HIVEP3: variants seen among roughly 807,000 people sequenced by gnomAD.
HIVEP3 encodes HIVEP zinc finger 3, also known as transcription factor HIVEP3.
Under a neutral mutation model 152.8 loss-of-function variants are expected in HIVEP3, and 49 were observed. The observed-to-expected ratio is 0.32, with a 90% CI of 0.26 to 0.41. HIVEP3 has a LOEUF of 0.41. HIVEP3 is among the 10% of genes least tolerant of loss of function. HIVEP3 has a pLI of 1.00. For synonymous variants in HIVEP3, 1,269 were observed against 1,289.0 expected, an observed-to-expected ratio of 0.98 and a Z score of 0.33; for missense variants, 2,790 against 3,103.3, an observed-to-expected ratio of 0.90 and a Z score of 2.40.
At chr1:41,806,106 A>G (rs1310189039) in intron 1 of HIVEP3, among the ~76,000 whole-genome samples, 1 of 152,136 alleles carries the variant, frequency 6.6e-6, no homozygotes, top group African/African-American at 2.4e-5. Context: ...TGAGGCCCCC[A>G]GAGCCTGCCC....
intron 1 of HIVEP3, among the ~76,000 whole-genome samples, chr1:41,789,213 G>C (rs1182929049): frequency 6.6e-6 from 1 of 152,212 alleles, no homozygotes; most frequent in Non-Finnish European, 1.5e-5. Flanking sequence ...AAAGTGGGGA[G>C]CACTTACCTA....
At position 41,751,881 on chromosome 1, in the gene HIVEP3, A is replaced by G. The variant is rs137921306; in HGVS notation, c.-800-50886T>C. ...GATGAGCAAGTGGGGGCCCCAAGAG[A>G]GGGAGTTGTCCAAAGCCTGTGATGG... On this transcript the variant is annotated intron_variant, in intron 1 of 8. Coordinates refer to ENST00000372583, the MANE Select transcript of HIVEP3 (RefSeq NM_024503.5). Among the ~76,000 whole-genome samples the G allele has an allele frequency of 4.2e-4, 64 of 152,280 alleles. 1 individual carries two copies. In the East Asian group the frequency reaches 0.012, roughly 28 times the overall value.
rs150203260 is a variant in HIVEP3, at chr1:41,943,957, G to C, written n.120-25433C>G. Among the ~76,000 whole-genome samples, 276 of 152,338 alleles carry C rather than the reference G, an allele frequency of 1.8e-3. 1 individual carries two copies. Among genetic ancestry groups the C allele is most frequent in the Middle Eastern group, 0.014 (4 of 294 alleles). On this transcript the variant is annotated intron_variant and non_coding_transcript_variant, in intron 1 of 3. Transcript: ENST00000489103. The stretch of plus-strand genomic sequence containing the variant: ...CAGCCTTAAAAAGGAAGGAAATTCT[G>C]ACACATGCTACTACACAGATGAACC...
Position 41,583,021 on chromosome 1 carries a change from T to C in HIVEP3, c.1777A>G (p.Ile593Val). Residue 593 changes from isoleucine to valine, a missense_variant, in exon 4 of 9, where the codon ATC becomes GTC. Physicochemically the swap from Ile to Val is conservative, Grantham distance 29 (BLOSUM62 3). Around this residue, in one of 9 missense-constraint regions of HIVEP3, gnomAD observed 339 missense variants for 327.0 expected, o/e 1.04. Coordinates refer to ENST00000372583, the MANE Select transcript of HIVEP3 (RefSeq NM_024503.5). The surrounding 1 kb of genome is among the most constrained non-coding windows in gnomAD (Gnocchi z 6.9). ...TATTCCCCTCCCAAAGGTAATTCGA[T>C]TGCCGGCTGGCGCTTCAGCATCCGG... ...HPRMLKRQPA[I>V]ELPLGGEYSS... is the part of the protein sequence containing the mutation. 6.2e-7 allele frequency: 1 copy of C among 1,614,094 alleles called. No individual in the cohort carries two copies. Among genetic ancestry groups the C allele is most frequent in the Non-Finnish European group, 8.5e-7 (1 of 1,180,030 alleles).
At chr1:41,628,976 A>ACC (rs1645155946) in intron 2 of HIVEP3, 29 bp from the exon 3 acceptor site, 2 of 1,228,362 alleles carry the variant, frequency 1.6e-6, no homozygotes, top group Non-Finnish European at 2.0e-6. Flanking sequence ...AAACATGGTC[A>ACC]AAGAACTTTC....
chr1:41,573,374 G>A (rs1181630441), intron 5 of HIVEP3, among the ~76,000 whole-genome samples: 1 of 152,162 alleles, frequency 6.6e-6, no homozygotes, highest in Non-Finnish European at 1.5e-5. Context: ...ACACTCTGCG[G>A]GGTGATGCCA....
chr1:41,777,136 C>G (rs888918764), intron 1 of HIVEP3, among the ~76,000 whole-genome samples: 36 of 152,356 alleles, frequency 2.4e-4, no homozygotes, highest in African/African-American at 7.7e-4. Context: ...CGCCTGCCAA[C>G]CTGGGTGCAG....
chr1:41,897,308 T>C (rs113402370), intron 1 of HIVEP3, among the ~76,000 whole-genome samples: 17 of 152,200 alleles, frequency 1.1e-4, no homozygotes, highest in South Asian at 6.2e-4. Context: ...GATGATGCTA[T>C]GGTCTGAATG....
intron 2 of HIVEP3, among the ~76,000 whole-genome samples, chr1:41,670,421 C>T (rs577608623): frequency 6.6e-6 from 1 of 152,256 alleles, no homozygotes; most frequent in South Asian, 2.1e-4. Flanking sequence ...GTGCCTCCAT[C>T]CCCCCTGAAT....
intron 1 of HIVEP3, among the ~76,000 whole-genome samples, chr1:41,758,372 A>G (rs1647453870): frequency 6.6e-6 from 1 of 152,192 alleles, no homozygotes. Flanking sequence ...TCTCCTCTGG[A>G]GAGGGGCTGG....
chr1:41,843,476 C>T (rs1474414924), intron 1 of HIVEP3, among the ~76,000 whole-genome samples: 3 of 152,108 alleles, frequency 2.0e-5, no homozygotes, highest in African/African-American at 2.4e-5. Flanking sequence ...TTAGGGAACA[C>T]GCCATCCTCC....
chr1:41,618,261 G>A (rs1266366276), intron 3 of HIVEP3, among the ~76,000 whole-genome samples: 3 of 152,228 alleles, frequency 2.0e-5, no homozygotes, highest in Non-Finnish European at 4.4e-5. Flanking sequence ...GTCTCCTTGC[G>A]CTCAGCAGAC....
chr1:41,646,308 G>A (rs1045691214), intron 2 of HIVEP3, among the ~76,000 whole-genome samples: 3 of 152,180 alleles, frequency 2.0e-5, no homozygotes, highest in Non-Finnish European at 2.9e-5. Flanking sequence ...AGGGCCAGGG[G>A]CAAACCCCAG....
At chr1:41,832,281 C>A (rs1439745773) in intron 1 of HIVEP3, among the ~76,000 whole-genome samples, 1 of 152,162 alleles carries the variant, frequency 6.6e-6, no homozygotes, top group African/African-American at 2.4e-5. Context: ...TGATCCCAGC[C>A]CTTTGGGAGG....
intron 1 of HIVEP3, among the ~76,000 whole-genome samples, chr1:41,958,400 G>A: frequency 6.6e-6 from 1 of 152,238 alleles, no homozygotes; most frequent in Non-Finnish European, 1.5e-5. Flanking sequence ...CTGAACATCT[G>A]AACATGAAAC....
chr1:41,917,832 G>A (rs1176840023), intron 1 of HIVEP3, among the ~76,000 whole-genome samples: 3 of 152,028 alleles, frequency 2.0e-5, no homozygotes, highest in Admixed American at 2.0e-4. Flanking sequence ...ATTTTCAGGG[G>A]GCTAGGATTA....
At chr1:41,754,875 G>A (rs1647243403) in intron 1 of HIVEP3, among the ~76,000 whole-genome samples, 1 of 152,182 alleles carries the variant, frequency 6.6e-6, no homozygotes, top group Non-Finnish European at 1.5e-5. Context: ...TGGTGTGGGT[G>A]TATGGAAACA....
chr1:41,859,122 A>G (rs1159232270), intron 1 of HIVEP3, among the ~76,000 whole-genome samples: 2 of 152,224 alleles, frequency 1.3e-5, no homozygotes, highest in East Asian at 1.9e-4. Context: ...ATCAGTTAGA[A>G]GAATGCCCAG....
intron 1 of HIVEP3, among the ~76,000 whole-genome samples, chr1:41,771,684 T>TG: frequency 1.3e-5 from 2 of 152,102 alleles, no homozygotes; most frequent in Admixed American, 6.5e-5. Flanking sequence ...TGTTTTGTTT[T>TG]TTGAGATGGA....
Sources: allele counts gnomAD v4.1 joint callset (sites outside exome capture counted in the v4.1 genomes callset), GRCh38; gene constraint gnomAD v4.1.1; regional missense constraint gnomAD v4.1.1; non-coding constraint Gnocchi (gnomAD v3.1); transcripts MANE v1.5; gene names NCBI Gene and HGNC (gene_info 2026-07-23, HGNC 2026-07-21).